STRN3: variants seen among roughly 807,000 people sequenced by gnomAD.
STRN3 encodes striatin 3, also known as striatin-3.
STRN3 carries 29 observed loss-of-function variants against 95.6 expected under a neutral mutation model. That is an observed-to-expected ratio of 0.30 (90% CI 0.23 to 0.41). The LOEUF (loss-of-function observed/expected upper bound fraction) is 0.41, where lower values mean the gene tolerates loss of function less well. STRN3 is among the 10% of genes least tolerant of loss of function. STRN3 has a pLI of 1.00. For synonymous variants in STRN3, 331 were observed against 357.6 expected (o/e 0.93, Z 0.84); for missense variants, 890 against 972.1 (o/e 0.92, Z 1.12).
At chr14:30,946,592 C>A (rs1264818363) in intron 5 of STRN3, among the ~76,000 whole-genome samples, 1 of 152,066 alleles carries the variant, frequency 6.6e-6, no homozygotes, top group Non-Finnish European at 1.5e-5. Flanking sequence ...AGCCATTAAA[C>A]AGAAAATTTA....
At chr14:30,905,642 T>C in intron 14 of STRN3, 84 bp from the exon 15 acceptor site, 1 of 1,441,922 alleles carries the variant, frequency 6.9e-7, no homozygotes, top group South Asian at 1.4e-5. Context: ...GTTTTTCTAA[T>C]CAGAAAAAGG....
chr14:30,968,477 C>T (rs1426097354), intron 1 of STRN3, among the ~76,000 whole-genome samples: 5 of 150,802 alleles, frequency 3.3e-5, no homozygotes, highest in Admixed American at 6.6e-5. Flanking sequence ...GTCAGGAGAT[C>T]GAGACCACCC....
At position 30,955,608 on chromosome 14, in the gene STRN3, A is replaced by G; in HGVS notation, c.460+12T>C. The G allele has an allele frequency of 6.4e-7, 1 of 1,558,532 alleles. No homozygotes were observed. The highest frequency in any genetic ancestry group is 1.2e-5 in the South Asian group (1 of 81,104). ...TTAAAAAAAAAAAAAGTAACAGAAG[A>G]AGCAAGTTTACCTGACTCAAAGGTT... On this transcript the variant is annotated intron_variant, in intron 3 of 17. Coordinates refer to ENST00000357479, the MANE Select transcript of STRN3 (RefSeq NM_001083893.2).
chr14:30,971,590 T>C (rs1000697789), intron 1 of STRN3, among the ~76,000 whole-genome samples: 3 of 152,174 alleles, frequency 2.0e-5, no homozygotes, highest in Non-Finnish European at 4.4e-5. Flanking sequence ...AGGATAGCCT[T>C]AGACACGATA....
intron 3 of STRN3, among the ~76,000 whole-genome samples, chr14:30,952,301 T>C (rs1879686890): frequency 6.6e-6 from 1 of 152,190 alleles, no homozygotes; most frequent in South Asian, 2.1e-4. Context: ...ACCCTCATAC[T>C]GAATGTTGAA....
intron 9 of STRN3, among the ~76,000 whole-genome samples, chr14:30,917,517 C>G (rs962791763): frequency 6.8e-6 from 1 of 147,084 alleles, no homozygotes; most frequent in Non-Finnish European, 1.5e-5. Flanking sequence ...CAAAACAGAC[C>G]AAAAACGAAG....
intron 1 of STRN3, among the ~76,000 whole-genome samples, chr14:30,972,531 G>A (rs1880885596): frequency 6.6e-6 from 1 of 152,142 alleles, no homozygotes; most frequent in African/African-American, 2.4e-5. Context: ...ATATTCGAGT[G>A]TTATTTCTTT....
intron 1 of STRN3, chr14:31,025,456 G>C (rs1883775876): frequency 6.2e-6 from 1 of 161,632 alleles, no homozygotes; most frequent in Non-Finnish European, 1.3e-5. Flanking sequence ...ATCGGAAAGG[G>C]GGGTGGTCCG....
intron 1 of STRN3, among the ~76,000 whole-genome samples, chr14:31,017,225 C>A (rs1018416101): frequency 1.3e-5 from 2 of 149,210 alleles, no homozygotes; most frequent in Non-Finnish European, 3.0e-5. Context: ...CTAGGCCGGG[C>A]GCAGTGGCTC....
chr14:30,907,074 A>G, intron 13 of STRN3, 30 bp from the exon 14 acceptor site: 1 of 1,592,432 alleles, frequency 6.3e-7, no homozygotes, highest in Non-Finnish European at 8.5e-7. Flanking sequence ...ACAAAAAATT[A>G]GGTAAAAGAA....
intron 1 of STRN3, among the ~76,000 whole-genome samples, chr14:30,959,708 C>T (rs1461065152): frequency 6.6e-6 from 1 of 151,962 alleles, no homozygotes; most frequent in African/African-American, 2.4e-5. Flanking sequence ...ATAATGCCAG[C>T]TACTTGGGAA....
At chr14:30,899,651 C>T (rs1233686232) in intron 16 of STRN3, among the ~76,000 whole-genome samples, 6 of 152,090 alleles carry the variant, frequency 3.9e-5, no homozygotes, top group African/African-American at 1.4e-4. Flanking sequence ...ATCCCCATAC[C>T]TGTAACTTCC....
intron 1 of STRN3, among the ~76,000 whole-genome samples, chr14:30,964,987 G>A (rs1594507782): frequency 6.6e-6 from 1 of 152,022 alleles, no homozygotes; most frequent in South Asian, 2.1e-4. Context: ...CTTGTTGCAG[G>A]AGCTTGCTCT....
intron 4 of STRN3, among the ~76,000 whole-genome samples, chr14:30,948,207 C>G (rs891551933): frequency 6.6e-6 from 1 of 152,102 alleles, no homozygotes; most frequent in Non-Finnish European, 1.5e-5. Context: ...AAAAATTATA[C>G]AGAGTCAGAA....
chr14:31,013,898 T>TTGAGACAGAGTGTCATTATTATC (rs71112374), intron 1 of STRN3, among the ~76,000 whole-genome samples: 1 of 135,042 alleles, frequency 7.4e-6, no homozygotes, highest in Non-Finnish European at 1.7e-5. Context: ...TTATTATTAT[T>TTGAGACAGAGTGTCATTATTATC]ATTATTATTA....
intron 1 of STRN3, among the ~76,000 whole-genome samples, chr14:31,005,197 T>G (rs1882659196): frequency 6.6e-6 from 1 of 152,100 alleles, no homozygotes; most frequent in African/African-American, 2.4e-5. Context: ...CCGGGCATGG[T>G]GGCACACGCC....
chr14:30,936,638 A>G lies in STRN3; in HGVS notation c.717-14T>C. ...TCACCAGAGGACCTGTGCGAAGGAA[A>G]AAAAGATAAATCCAACTATTCCAAT... On this transcript the variant is annotated splice_polypyrimidine_tract_variant and intron_variant, in intron 5 of 17. Transcript: ENST00000357479. 6.3e-7 allele frequency: 1 copy of G among 1,594,882 alleles called. No individual in the cohort carries two copies. Among genetic ancestry groups the G allele is most frequent in the Non-Finnish European group, 8.5e-7 (1 of 1,174,978 alleles).
chr14:30,935,209 AC>A lies in STRN3; in HGVS notation c.941del (p.Gly314ValfsTer30). 1 of 1,614,066 alleles carries A rather than the reference AC, an allele frequency of 6.2e-7. No individual in the cohort carries two copies. The highest frequency in any genetic ancestry group is 8.5e-7 in the Non-Finnish European group (1 of 1,179,972). On this transcript the variant is annotated frameshift_variant, in exon 7 of 18. Coordinates refer to ENST00000357479, the MANE Select transcript of STRN3 (RefSeq NM_001083893.2). LOFTEE classifies it high-confidence loss of function. ...AACTCCGTGCTTCTCCAGCTCCTTC[AC>A]CATCTTCAGCAGTCACTAAAAAATC... ...EFDFLVTAED[G>X]EGAGEARSSG...
intron 8 of STRN3, among the ~76,000 whole-genome samples, chr14:30,928,822 T>C (rs566606364): frequency 6.1e-4 from 93 of 152,304 alleles, no homozygotes; most frequent in Non-Finnish European, 1.1e-3. Flanking sequence ...CTAAGAAATG[T>C]AACCTGGATA....
Sources: allele counts gnomAD v4.1 joint callset (sites outside exome capture counted in the v4.1 genomes callset), GRCh38; gene constraint gnomAD v4.1.1; transcripts MANE v1.5; gene names NCBI Gene and HGNC (gene_info 2026-07-23, HGNC 2026-07-21).